The following ADGRL3 variants were observed in gnomAD, a reference collection of about 807,000 sequenced individuals.
ADGRL3 encodes adhesion G protein-coupled receptor L3, also known as calcium-independent alpha-latrotoxin receptor 3.
In ADGRL3, 62 loss-of-function variants were observed where a neutral mutation model predicts 153.5. That is an observed-to-expected ratio of 0.40 (90% CI 0.33 to 0.50). The LOEUF (loss-of-function observed/expected upper bound fraction) is 0.50, where lower values mean the gene tolerates loss of function less well. Among genes scored for constraint, ADGRL3 ranks in the 20% least tolerant of loss-of-function variants. ADGRL3 has a pLI of 0.47. For synonymous variants in ADGRL3, 710 were observed against 672.5 expected (o/e 1.06, Z -0.86); for missense variants, 1,641 against 1,859.4 (o/e 0.88, Z 2.16).
chr4:61,865,865 T>C (rs548537113), intron 9 of ADGRL3, among the ~76,000 whole-genome samples: 3 of 152,328 alleles, frequency 2.0e-5, no homozygotes, highest in South Asian at 2.1e-4. Flanking sequence ...AGTTTTTTCA[T>C]AGGAAGATGG....
chr4:61,615,436 C>T (rs1487091047), intron 5 of ADGRL3, among the ~76,000 whole-genome samples: 1 of 151,730 alleles, frequency 6.6e-6, no homozygotes, highest in African/African-American at 2.4e-5. Flanking sequence ...AAACGCCTTG[C>T]AATATTAAGG....
intron 8 of ADGRL3, among the ~76,000 whole-genome samples, chr4:61,768,575 T>C (rs1052145707): frequency 1.3e-5 from 2 of 152,052 alleles, no homozygotes; most frequent in African/African-American, 4.8e-5. Flanking sequence ...GTGGAAAAAT[T>C]GAAAGTGCCG....
chr4:61,334,988 A>G (rs1345378671), intron 1 of ADGRL3, among the ~76,000 whole-genome samples: 1 of 152,170 alleles, frequency 6.6e-6, no homozygotes, highest in Non-Finnish European at 1.5e-5. Flanking sequence ...AAGAAGAACT[A>G]TAATCTGTAT....
intron 2 of ADGRL3, among the ~76,000 whole-genome samples, chr4:61,414,328 C>T (rs2097123269): frequency 6.6e-6 from 1 of 152,182 alleles, no homozygotes; most frequent in Non-Finnish European, 1.5e-5. Context: ...ACGTAAGATA[C>T]ATTGTCCCTT....
chr4:61,939,686 T>A (rs943591462), intron 15 of ADGRL3, among the ~76,000 whole-genome samples: 4 of 152,092 alleles, frequency 2.6e-5, no homozygotes, highest in African/African-American at 9.7e-5. Flanking sequence ...GTCAGGCTGG[T>A]CTTGAATTCC....
chr4:61,327,927 G>T (rs1173318340), intron 1 of ADGRL3, among the ~76,000 whole-genome samples: 1 of 152,066 alleles, frequency 6.6e-6, no homozygotes, highest in East Asian at 1.9e-4. Flanking sequence ...GGAAAATGAA[G>T]AAATGGAAAT....
chr4:61,955,416 C>A (rs2150394742), intron 17 of ADGRL3, among the ~76,000 whole-genome samples: 1 of 152,190 alleles, frequency 6.6e-6, no homozygotes, highest in African/African-American at 2.4e-5. Flanking sequence ...TACTTTCATT[C>A]ATTGTAGCTA....
intron 19 of ADGRL3, among the ~76,000 whole-genome samples, chr4:61,986,510 T>TGG (rs2099086000): frequency 6.6e-6 from 1 of 152,204 alleles, no homozygotes; most frequent in Admixed American, 6.5e-5. Context: ...TTTAATTTCC[T>TGG]GCACCGTAAC....
chr4:61,336,206 C>T (rs1285383183), intron 1 of ADGRL3, among the ~76,000 whole-genome samples: 1 of 152,056 alleles, frequency 6.6e-6, no homozygotes, highest in East Asian at 1.9e-4. Context: ...TGTATATATC[C>T]CTATTTTCAA....
intron 1 of ADGRL3, among the ~76,000 whole-genome samples, chr4:61,329,410 A>G (rs1412579893): frequency 6.6e-6 from 1 of 152,154 alleles, no homozygotes. Context: ...ATCAAAAGTC[A>G]GTCCTTTGAT....
At chr4:61,538,502 C>T (rs1437254338) in intron 4 of ADGRL3, among the ~76,000 whole-genome samples, 4 of 151,992 alleles carry the variant, frequency 2.6e-5, no homozygotes, top group Admixed American at 6.5e-5. Context: ...GGCAATGGTG[C>T]GATCTCAGCT....
At chr4:61,974,368 G>C (rs12649738) in intron 17 of ADGRL3, among the ~76,000 whole-genome samples, 125,587 of 152,088 alleles carry the variant, frequency 0.83, 53,778 homozygotes, top group Non-Finnish European at 0.94. Flanking sequence ...ACTCATACTT[G>C]ATTGGAATAT....
At chr4:61,787,390 T>C (rs1352823247) in intron 8 of ADGRL3, among the ~76,000 whole-genome samples, 3 of 151,994 alleles carry the variant, frequency 2.0e-5, no homozygotes, top group Non-Finnish European at 4.4e-5. Flanking sequence ...TAGGTACATA[T>C]ATGACAGTGA....
chr4:61,713,891 C>T (rs919963767), intron 6 of ADGRL3, among the ~76,000 whole-genome samples: 1 of 151,978 alleles, frequency 6.6e-6, no homozygotes, highest in African/African-American at 2.4e-5. Context: ...GGTTCAAGTC[C>T]CAATCATCAG....
Position 61,654,504 on chromosome 4 carries a change from T to C in ADGRL3, c.474-22322T>C, listed in dbSNP as rs187671410. Among the ~76,000 whole-genome samples, 3 of 152,166 alleles carry C rather than the reference T, an allele frequency of 2.0e-5. No individual in the cohort carries two copies. The East Asian group carries it at 5.8e-4, about 29-fold the overall frequency. Reference sequence around the variant, plus strand: ...AATGTTAAAAGGATTTTAACACTTCTGTACTTTTTAGAATTGTATTCCATT... The same window carrying C: ...AATGTTAAAAGGATTTTAACACTTCCGTACTTTTTAGAATTGTATTCCATT... On this transcript the variant is annotated intron_variant, in intron 5 of 26. Transcript: ENST00000683033.
chr4:61,873,501 G>A (rs1015619520), intron 9 of ADGRL3, among the ~76,000 whole-genome samples: 2 of 152,270 alleles, frequency 1.3e-5, no homozygotes, highest in South Asian at 2.1e-4. Context: ...TTGAGGAAGT[G>A]TGTCTTAGAA....
chr4:61,662,722 G>A (rs910979241), intron 5 of ADGRL3, among the ~76,000 whole-genome samples: 2 of 152,210 alleles, frequency 1.3e-5, no homozygotes, highest in African/African-American at 4.8e-5. Flanking sequence ...TGAGGTCTGG[G>A]GGCTGGACTG....
chr4:61,733,879 A>C (rs995722700), intron 8 of ADGRL3, among the ~76,000 whole-genome samples: 3 of 152,182 alleles, frequency 2.0e-5, no homozygotes, highest in African/African-American at 7.2e-5. Flanking sequence ...CAGCCCGTCT[A>C]AACAGCCTGT....
At chr4:61,229,133 A>G (rs915601357) in intron 1 of ADGRL3, among the ~76,000 whole-genome samples, 15 of 152,178 alleles carry the variant, frequency 9.9e-5, no homozygotes, top group Non-Finnish European at 5.9e-5. Context: ...CTTCTAGCCT[A>G]TAGGCTGAGG....
Sources: allele counts gnomAD v4.1 joint callset (sites outside exome capture counted in the v4.1 genomes callset), GRCh38; gene constraint gnomAD v4.1.1; transcripts MANE v1.5; gene names NCBI Gene and HGNC (gene_info 2026-07-23, HGNC 2026-07-21).